CNTN6: variants seen among roughly 807,000 people sequenced by gnomAD.
CNTN6 encodes the protein contactin 6, also known as contactin-6.
In CNTN6, 137 loss-of-function variants were observed where a neutral mutation model predicts 122.8. The ratio of observed to expected loss-of-function variants is 1.12; its 90% CI spans 0.97 to 1.29. The LOEUF is 1.29. Ranked by LOEUF, CNTN6 falls within the 50% of genes most tolerant of loss-of-function variation. The pLI is 0.00. For synonymous variants in CNTN6, 570 were observed against 426.0 expected (o/e 1.34, Z -4.16); for missense variants, 1,634 against 1,223.4 (o/e 1.34, Z -5.01).
rs1463334586 is a variant in CNTN6, at chr3:1,329,869, C to G, written c.1298C>G (p.Pro433Arg). 26 of 1,610,664 alleles carry G rather than the reference C, an allele frequency of 1.6e-5. No individual in the cohort carries two copies. The highest frequency in any genetic ancestry group is 1.4e-5 in the Non-Finnish European group (16 of 1,177,980). The change falls in exon 11 of 23, where the codon CCA becomes CGA. Residue 433 changes from proline (P) to arginine (R), a missense_variant. Transcript: ENST00000446702. ...GGGGATATTGTTATCGGATGCAAAC[C>G]AAATGCTTTTCCCAGGGCAGCTATC... ...VGGDIVIGCK[P>R]NAFPRAAISW...
At chr3:1,402,291 GT>G in intron 21 of CNTN6, 26 bp from the exon 22 acceptor site, 1 of 1,587,242 alleles carries the variant, frequency 6.3e-7, no homozygotes. Context: ...ACATGTCCAT[GT>G]TAACTTGATA....
At chr3:1,244,830 AG>A (rs2094538207) in intron 4 of CNTN6, among the ~76,000 whole-genome samples, 1 of 151,444 alleles carries the variant, frequency 6.6e-6, no homozygotes, top group Admixed American at 6.6e-5. Context: ...GATCTCACAA[AG>A]TACATTCTCA....
chr3:1,108,953 A>G (rs1170481758), intron 1 of CNTN6, among the ~76,000 whole-genome samples: 1 of 152,064 alleles, frequency 6.6e-6, no homozygotes, highest in Non-Finnish European at 1.5e-5. Context: ...CATTTAAAAT[A>G]TTTAAAGCAA....
intron 2 of CNTN6, among the ~76,000 whole-genome samples, chr3:1,208,986 G>A (rs899779598): frequency 7.2e-5 from 11 of 152,068 alleles, no homozygotes; most frequent in African/African-American, 1.7e-4. Flanking sequence ...ACTGTGTGCT[G>A]GCAATATCTA....
At chr3:1,296,038 T>G (rs1345088374) in intron 6 of CNTN6, among the ~76,000 whole-genome samples, 1 of 152,200 alleles carries the variant, frequency 6.6e-6, no homozygotes, top group Non-Finnish European at 1.5e-5. Flanking sequence ...TTGAAACAGC[T>G]TGTCTTTTTT....
chr3:1,323,336 T>C (rs1045928577), intron 8 of CNTN6, among the ~76,000 whole-genome samples: 1 of 151,800 alleles, frequency 6.6e-6, no homozygotes, highest in East Asian at 1.9e-4. Context: ...GAAACTGCCA[T>C]AGCATTTCAA....
At chr3:1,242,685 G>A (rs1425657853) in intron 4 of CNTN6, among the ~76,000 whole-genome samples, 3 of 152,164 alleles carry the variant, frequency 2.0e-5, no homozygotes, top group African/African-American at 7.2e-5. Context: ...AGACGCGAAG[G>A]AGGCTTTGGG....
chr3:1,329,679 G>C, intron 10 of CNTN6, 106 bp from the exon 11 acceptor site: 1 of 889,684 alleles, frequency 1.1e-6, no homozygotes, highest in Non-Finnish European at 1.7e-6. Flanking sequence ...CTGAAAAGAG[G>C]ATACAGCTAT....
chr3:1,264,057 A>G lies in CNTN6; in HGVS notation c.359-14356A>G, dbSNP rs1024909942. Among the ~76,000 whole-genome samples the G allele has an allele frequency of 3.3e-5, 5 of 152,140 alleles. No homozygotes were observed. In the South Asian group the frequency reaches 6.2e-4, roughly 19 times the overall value. On this transcript the variant is annotated intron_variant, in intron 4 of 22. Coordinates refer to ENST00000446702, the MANE Select transcript of CNTN6 (RefSeq NM_001289080.2). The stretch of plus-strand genomic sequence containing the variant: ...AACAGGAAAATAAAATGGCAGCTGT[A>G]TTTGGAATGTTCTGAACACAGGTGA...
Position 1,325,688 on chromosome 3 carries a change from C to A in CNTN6, c.947-127C>A, listed in dbSNP as rs922168147. ...CTCCTGCATGTCCCCTCCCTCAAATCGTGTGTGTGCAATCCAACTGGACCC... is the reference window on the plus strand; with the variant it reads ...CTCCTGCATGTCCCCTCCCTCAAATAGTGTGTGTGCAATCCAACTGGACCC... On this transcript the variant is annotated intron_variant, in intron 8 of 22. Coordinates refer to ENST00000446702, the MANE Select transcript of CNTN6 (RefSeq NM_001289080.2). The A allele has an allele frequency of 1.2e-5, 10 of 829,216 alleles. No individual in the cohort carries two copies. The East Asian group carries it at 2.2e-4, about 18-fold the overall frequency. The allele number at this position is 829,216 out of a possible 1,614,324, so 51.4% of individuals were successfully genotyped here.
At chr3:1,326,335 G>T (rs1483739202) in intron 9 of CNTN6, among the ~76,000 whole-genome samples, 1 of 148,146 alleles carries the variant, frequency 6.8e-6, no homozygotes, top group Non-Finnish European at 1.5e-5. Flanking sequence ...AACATTATAA[G>T]AGAGATACAA....
At chr3:1,384,760 C>CATATATATACACATATATATATAT (rs1692551910) in intron 19 of CNTN6, among the ~76,000 whole-genome samples, 1 of 100,080 alleles carries the variant, frequency 1.0e-5, no homozygotes, top group Admixed American at 1.0e-4. Flanking sequence ...CATATATATA[C>CATATATATACACATATATATATAT]ATATATATAC....
chr3:1,308,322 TGC>T (rs1559778535), intron 7 of CNTN6, among the ~76,000 whole-genome samples: 3 of 149,378 alleles, frequency 2.0e-5, no homozygotes, highest in African/African-American at 7.4e-5. Flanking sequence ...TGTGTGTGTG[TGC>T]ACCTGTTAGC....
In CNTN6 at chr3:1,382,759, T is replaced by A. The variant is rs143712122; in HGVS notation, c.2167-183T>A. Among the ~76,000 whole-genome samples, 127 of 152,322 alleles carry A rather than the reference T, an allele frequency of 8.3e-4. 1 individual carries two copies. The East Asian group carries it at 0.022, about 27-fold the overall frequency. On this transcript the variant is annotated intron_variant, in intron 17 of 22. Transcript: ENST00000446702. ...AAAACTTAAACTATTTATCTGAGTATCTTTAACTGGGATCATTTTTCTAAT... is the reference window on the plus strand; with the variant it reads ...AAAACTTAAACTATTTATCTGAGTAACTTTAACTGGGATCATTTTTCTAAT...
At chr3:1,108,246 A>G (rs927419556) in intron 1 of CNTN6, among the ~76,000 whole-genome samples, 2 of 152,042 alleles carry the variant, frequency 1.3e-5, no homozygotes, top group African/African-American at 4.8e-5. Flanking sequence ...CTTGAGACCA[A>G]AAATGTTTTA....
rs530375266 is a variant in CNTN6 at position 1,324,640 on chromosome 3, G to A, written c.947-1175G>A. ...CAGCTCTAAAGACTGCTTAGAAGTT[G>A]ACATAAGATGGAGAACAATGGATCG... On this transcript the variant is annotated intron_variant, in intron 8 of 22. Coordinates refer to ENST00000446702, the MANE Select transcript of CNTN6 (RefSeq NM_001289080.2). Among the ~76,000 whole-genome samples the A allele has an allele frequency of 1.3e-5, 2 of 149,766 alleles. 1 individual carries two copies. Among genetic ancestry groups the A allele is most frequent in the African/African-American group, 5.1e-5 (2 of 39,436 alleles).
chr3:1,391,013 C>A (rs1694061000), intron 20 of CNTN6, among the ~76,000 whole-genome samples: 1 of 119,508 alleles, frequency 8.4e-6, no homozygotes, highest in African/African-American at 3.2e-5. Context: ...GAAACTATTC[C>A]AATCAATAGA....
At chr3:1,319,833 G>GAAAATAAAAAT (rs1553682014) in intron 7 of CNTN6, among the ~76,000 whole-genome samples, 4 of 136,022 alleles carry the variant, frequency 2.9e-5, no homozygotes, top group African/African-American at 1.1e-4. Context: ...ACAGAGAGCA[G>GAAAATAAAAAT]AAAATAAAAT....
At chr3:1,235,401 CA>C (rs1559566589) in intron 4 of CNTN6, among the ~76,000 whole-genome samples, 4 of 151,596 alleles carry the variant, frequency 2.6e-5, no homozygotes, top group East Asian at 1.9e-4. Flanking sequence ...ATTACAGTGA[CA>C]TTTTTTGCAT....
Sources: gnomAD v4.1 joint callset for allele counts (sites outside exome capture counted in the v4.1 genomes callset) on GRCh38, gnomAD v4.1.1 for gene constraint, MANE v1.5 for transcripts, NCBI Gene and HGNC (gene_info 2026-07-23, HGNC 2026-07-21) for gene names.